Variants in FARP2 observed in about 807,000 individuals in gnomAD.
FARP2 encodes FERM, ARHGEF and pleckstrin domain-containing protein 2.
FARP2 carries 111 observed loss-of-function variants against 130.5 expected under a neutral mutation model. The ratio of observed to expected loss-of-function variants is 0.85; its 90% CI spans 0.73 to 1.00. The LOEUF (loss-of-function observed/expected upper bound fraction) is 1.00. Ranked by LOEUF, FARP2 falls within the 50% of genes least tolerant of loss-of-function variation. FARP2 has a pLI of 0.00. For missense variants in FARP2, 1,385 were observed against 1,346.3 expected (o/e 1.03, Z -0.45); for synonymous variants, 504 against 516.9 (o/e 0.98, Z 0.34).
intron 19 of FARP2, among the ~76,000 whole-genome samples, chr2:241,480,343 G>A (rs1264649993): frequency 6.6e-6 from 1 of 152,178 alleles, no homozygotes; most frequent in Non-Finnish European, 1.5e-5. Context: ...GCTGTTAAAT[G>A]TTTGGCTTAG....
chr2:241,362,163 C>T (rs2061202862), intron 1 of FARP2, among the ~76,000 whole-genome samples: 1 of 152,154 alleles, frequency 6.6e-6, no homozygotes. Context: ...TCCCAAAGTG[C>T]TGGGATTACA....
chr2:241,493,159 CTG>C, intron 25 of FARP2, 123 bp downstream of exon 25: 1 of 1,170,572 alleles, frequency 8.5e-7, no homozygotes, highest in Non-Finnish European at 1.3e-6. Context: ...ACACCCTGTG[CTG>C]TGTGAACAGG....
chr2:241,438,222 C>G (rs1307926197), intron 12 of FARP2, among the ~76,000 whole-genome samples: 1 of 152,110 alleles, frequency 6.6e-6, no homozygotes, highest in Admixed American at 6.6e-5. Flanking sequence ...TTTATACTGT[C>G]ATAGCACTTC....
At position 241,483,375 on chromosome 2, in the gene FARP2, C is replaced by T; in HGVS notation, c.2263-90C>T. 19 of 1,098,150 alleles carry T rather than the reference C, an allele frequency of 1.7e-5. No homozygotes were observed. The South Asian group carries it at 2.2e-4, about 13-fold the overall frequency. The allele number at this position is 1,098,150 out of a possible 1,614,324, so 68.0% of individuals were successfully genotyped here. On this transcript the variant is annotated intron_variant, in intron 19 of 26. Transcript: ENST00000264042. ...GGAGGAGCCAGAGGAGCACAAGCGGCCACAAGGCTATTCCTGACCCTCAGC... is the reference window on the plus strand; with the variant it reads ...GGAGGAGCCAGAGGAGCACAAGCGGTCACAAGGCTATTCCTGACCCTCAGC...
intron 2 of FARP2, among the ~76,000 whole-genome samples, chr2:241,399,818 T>C (rs1693409358): frequency 6.6e-6 from 1 of 152,208 alleles, no homozygotes; most frequent in Admixed American, 6.5e-5. Context: ...CCGTGATTCA[T>C]ATTGAATTAA....
At chr2:241,420,860 T>C (rs1160708427) in intron 8 of FARP2, among the ~76,000 whole-genome samples, 2 of 152,128 alleles carry the variant, frequency 1.3e-5, no homozygotes, top group Non-Finnish European at 2.9e-5. Context: ...AGCACAGATA[T>C]TTAAAATTAT....
At chr2:241,472,421 G>A (rs6712206) in intron 18 of FARP2, among the ~76,000 whole-genome samples, 56,372 of 150,900 alleles carry the variant, frequency 0.37, 10,735 homozygotes, top group Admixed American at 0.52. Flanking sequence ...GTTTTGAGGC[G>A]ACCCTGTTCT....
intron 2 of FARP2, among the ~76,000 whole-genome samples, chr2:241,385,369 A>T (rs1255702258): frequency 1.3e-5 from 2 of 152,062 alleles, no homozygotes; most frequent in Non-Finnish European, 2.9e-5. Flanking sequence ...ACCTTAGAAA[A>T]TTTTTTAATA....
rs929555654 is a variant in FARP2 at position 241,471,779 on chromosome 2, G to A, written c.2131+3402G>A. Among the ~76,000 whole-genome samples the A allele has an allele frequency of 2.0e-5, 3 of 152,120 alleles. No homozygotes were observed. In the East Asian group the frequency reaches 5.8e-4, roughly 29 times the overall value. On this transcript the variant is annotated intron_variant, in intron 18 of 26. Coordinates refer to ENST00000264042, the MANE Select transcript of FARP2 (RefSeq NM_014808.4). The stretch of plus-strand genomic sequence containing the variant: ...CAAAGTGCTGGGATTACAGGCATGA[G>A]CCACCGCGCCCAGCCGGGGTTGCTG...
At position 241,360,324 on chromosome 2, in the gene FARP2, G is replaced by A. The variant is rs556718403; in HGVS notation, c.-25+3936G>A. Among the ~76,000 whole-genome samples, 3 of 152,224 alleles carry A rather than the reference G, an allele frequency of 2.0e-5. No homozygotes were observed. In the South Asian group the frequency reaches 6.2e-4, roughly 32 times the overall value. On this transcript the variant is annotated intron_variant, in intron 1 of 26. Transcript: ENST00000264042. ...GGGAGAACTCTTTAAGAGAAAGAAT[G>A]CAAAGTTACAAATAAAAACTAATTT...
At chr2:241,410,726 G>T (rs1346251899) in intron 5 of FARP2, among the ~76,000 whole-genome samples, 2 of 152,112 alleles carry the variant, frequency 1.3e-5, no homozygotes, top group Non-Finnish European at 2.9e-5. Flanking sequence ...CATCGCCCCT[G>T]GCCAATTTCT....
chr2:241,460,070 C>T (rs2063973124), intron 14 of FARP2, among the ~76,000 whole-genome samples: 1 of 152,158 alleles, frequency 6.6e-6, no homozygotes, highest in African/African-American at 2.4e-5. Flanking sequence ...GACTCCATGC[C>T]ACGGTGACTG....
chr2:241,402,265 C>A (rs530462544), intron 2 of FARP2, among the ~76,000 whole-genome samples: 7 of 152,166 alleles, frequency 4.6e-5, no homozygotes, highest in Non-Finnish European at 8.8e-5. Context: ...ACATTCTTCC[C>A]AGCACTCTGT....
Position 241,462,514 on chromosome 2 carries a change from T to C in FARP2, c.1588-9T>C, listed in dbSNP as rs147821392. 1 of 1,610,076 alleles carries C rather than the reference T, an allele frequency of 6.2e-7. No individual in the cohort carries two copies. Among genetic ancestry groups the C allele is most frequent in the Non-Finnish European group, 8.5e-7 (1 of 1,176,272 alleles). ...GGGACGCACACTTACAGCTCTCTGC[T>C]TCTTTCAGCGCGTGCCTGCAGACGA... On this transcript the variant is annotated splice_polypyrimidine_tract_variant and intron_variant, in intron 14 of 26. Transcript: ENST00000264042.
At chr2:241,474,265 C>T (rs566979254) in intron 18 of FARP2, among the ~76,000 whole-genome samples, 4 of 124,196 alleles carry the variant, frequency 3.2e-5, no homozygotes, top group African/African-American at 6.1e-5. Flanking sequence ...GAGCCGAGAT[C>T]GTGCCACTGC....
In FARP2 at chr2:241,458,233, C is replaced by T. The variant is rs552677672; in HGVS notation, c.1587+1311C>T. 6.6e-5 allele frequency among the ~76,000 whole-genome samples: 10 copies of T among 152,196 alleles called. 1 individual carries two copies. The South Asian group carries it at 2.1e-3, about 32-fold the overall frequency. On this transcript the variant is annotated intron_variant, in intron 14 of 26. Transcript: ENST00000264042. ...GCCTGGAGTCCACAGAGAAGGGAGA[C>T]ATGGGGTCCCTGAGTGGCAGCTGGA...
chr2:241,365,395 G>A (rs1051107685), intron 1 of FARP2, among the ~76,000 whole-genome samples: 15 of 151,924 alleles, frequency 9.9e-5, no homozygotes, highest in Admixed American at 8.5e-4. Context: ...TCCCCTTCAT[G>A]TACCCACAAT....
chr2:241,448,665 A>AT (rs1259359555), intron 13 of FARP2, among the ~76,000 whole-genome samples: 1 of 152,240 alleles, frequency 6.6e-6, no homozygotes, highest in East Asian at 1.9e-4. Context: ...ACTTGCTGTT[A>AT]TAGGTTAGAA....
At chr2:241,427,252 CAT>C (rs1491413811) in intron 8 of FARP2, among the ~76,000 whole-genome samples, 2 of 151,940 alleles carry the variant, frequency 1.3e-5, no homozygotes, top group African/African-American at 2.4e-5. Context: ...CACACACACA[CAT>C]ATATGTGTCT....
Sources: gnomAD v4.1 joint callset for allele counts (sites outside exome capture counted in the v4.1 genomes callset) on GRCh38, gnomAD v4.1.1 for gene constraint, MANE v1.5 for transcripts, NCBI Gene and HGNC (gene_info 2026-07-23, HGNC 2026-07-21) for gene names.